Variants in KCNQ1 observed in about 807,000 individuals in gnomAD.
KCNQ1 encodes potassium voltage-gated channel subfamily KQT member 1.
Under a neutral mutation model 72.4 loss-of-function variants are expected in KCNQ1, and 49 were observed. The observed-to-expected ratio is 0.68, with a 90% CI of 0.54 to 0.86. The LOEUF is 0.86. Ranked by LOEUF, KCNQ1 falls within the 40% of genes least tolerant of loss-of-function variation. The probability of loss-of-function intolerance (pLI) is 0.00; values close to 1 mark genes in which losing one functional copy is unlikely to be tolerated. For missense variants in KCNQ1, 790 were observed against 945.1 expected, an observed-to-expected ratio of 0.84 and a Z score of 2.15; for synonymous variants, 450 against 412.6, an observed-to-expected ratio of 1.09 and a Z score of -1.10.
At chr11:2,625,102 GT>G in intron 10 of KCNQ1, 1 of 398,640 alleles carries the variant, frequency 2.5e-6, no homozygotes, top group Non-Finnish European at 4.4e-6. Flanking sequence ...ATACACAGAG[GT>G]GGAGTTGATG....
intron 10 of KCNQ1, chr11:2,615,645 A>AT (rs1483992925): frequency 8.3e-5 from 33 of 397,850 alleles, no homozygotes; most frequent in Non-Finnish European, 1.3e-4. Context: ...GATTGCATGG[A>AT]TTTTTTATCC....
At chr11:2,517,362 C>T (rs736610) in intron 1 of KCNQ1, among the ~76,000 whole-genome samples, 25,899 of 152,094 alleles carry the variant, frequency 0.17, 2,498 homozygotes, top group East Asian at 0.41. Flanking sequence ...CCCTGGAGGG[C>T]TCTGGTGGGA....
intron 11 of KCNQ1, chr11:2,684,105 T>A: frequency 2.5e-6 from 1 of 398,570 alleles, no homozygotes. Context: ...CAGAACCCTT[T>A]CACATAGATT....
intron 1 of KCNQ1, among the ~76,000 whole-genome samples, chr11:2,527,539 A>G (rs962454371): frequency 2.6e-5 from 4 of 152,192 alleles, no homozygotes; most frequent in Non-Finnish European, 5.9e-5. Context: ...AATTACCCCA[A>G]AAGAAAACCC....
chr11:2,691,298 A>C lies in KCNQ1; in HGVS notation c.1514+29217A>C, dbSNP rs1405139509. The C allele has an allele frequency of 5.0e-6, 2 of 398,446 alleles. No homozygotes were observed. The highest frequency in any genetic ancestry group is 8.8e-6 in the Non-Finnish European group (2 of 226,086). The allele number at this position is 398,446 out of a possible 1,614,324, so 24.7% of individuals were successfully genotyped here. A position where few individuals can be genotyped will look rare whatever the true frequency, so the allele number is the denominator to read the frequency against. On this transcript the variant is annotated intron_variant, in intron 11 of 15. Coordinates refer to ENST00000155840, the MANE Select transcript of KCNQ1 (RefSeq NM_000218.3). This position sits in a 1 kb window ranked among gnomAD's most constrained non-coding sequence, Gnocchi z 6.4. ...ATCAGGAAGGAGAGCTGACAAGAAA[A>C]AGGCGATGTCTCACCCCTGAGCTAC... is the stretch of plus-strand genomic sequence containing the variant.
At chr11:2,656,290 TG>T (rs754096154) in intron 10 of KCNQ1, 3 of 398,554 alleles carry the variant, frequency 7.5e-6, no homozygotes, top group African/African-American at 2.1e-5. Context: ...ATCTCTAAAA[TG>T]GGGGCAGTAA....
At chr11:2,586,899 T>C (rs549552364) in intron 8 of KCNQ1, among the ~76,000 whole-genome samples, 3 of 152,192 alleles carry the variant, frequency 2.0e-5, no homozygotes, top group East Asian at 3.9e-4. Context: ...CTCCTGCCCA[T>C]CTGGACGCTG....
intron 10 of KCNQ1, among the ~76,000 whole-genome samples, chr11:2,589,645 C>T (rs1848645602): frequency 6.6e-6 from 1 of 152,208 alleles, no homozygotes; most frequent in Admixed American, 6.5e-5. Flanking sequence ...CCATGTGCTT[C>T]AGCCACACGG....
In KCNQ1 at chr11:2,497,458, G is replaced by A. The variant is rs549928673; in HGVS notation, c.387-30470G>A. ...ATCCTTTCTTCCACTTGATTCATTT[G>A]GCTATTGATACTTGTGTATGCATCA... On this transcript the variant is annotated intron_variant, in intron 1 of 15. Coordinates refer to ENST00000155840, the MANE Select transcript of KCNQ1 (RefSeq NM_000218.3). This position sits in a 1 kb window ranked among gnomAD's most constrained non-coding sequence, Gnocchi z 4.5. Among the ~76,000 whole-genome samples, 367 of 151,868 alleles carry A rather than the reference G, an allele frequency of 2.4e-3. 4 individuals are homozygous for A. Among genetic ancestry groups the A allele is most frequent in the African/African-American group, 8.5e-3 (352 of 41,398 alleles).
intron 11 of KCNQ1, among the ~76,000 whole-genome samples, chr11:2,714,112 G>A (rs547585154): frequency 2.3e-3 from 350 of 152,358 alleles, no homozygotes; most frequent in Non-Finnish European, 3.8e-3. Flanking sequence ...TCCTGTTGCT[G>A]GGGCCTGCTC....
At chr11:2,453,234 G>A (rs1413314480) in intron 1 of KCNQ1, among the ~76,000 whole-genome samples, 3 of 152,186 alleles carry the variant, frequency 2.0e-5, no homozygotes, top group South Asian at 2.1e-4. Flanking sequence ...TTAGCCGGGC[G>A]TGGTGGTGCA....
In KCNQ1 at chr11:2,566,575, T is replaced by A. The variant is rs893334315; in HGVS notation, c.478-4053T>A. On this transcript the variant is annotated intron_variant, in intron 2 of 15. Coordinates refer to ENST00000155840, the MANE Select transcript of KCNQ1 (RefSeq NM_000218.3). This position sits in a 1 kb window ranked among gnomAD's most constrained non-coding sequence, Gnocchi z 6.7. ...TGAGGCCCTTTTGTCCATGAAGCCA[T>A]CTGCAGCCAGGAGGCGGCCTTGCTT... Among the ~76,000 whole-genome samples, 1 of 152,146 alleles carries A rather than the reference T, an allele frequency of 6.6e-6. No homozygotes were observed. The highest frequency in any genetic ancestry group is 1.9e-4 in the East Asian group (1 of 5,184).
chr11:2,446,568 C>T lies in KCNQ1; in HGVS notation c.386+1084C>T, dbSNP rs1050494316. Among the ~76,000 whole-genome samples the T allele has an allele frequency of 6.6e-6, 1 of 152,314 alleles. No homozygotes were observed. The highest frequency in any genetic ancestry group is 3.4e-3 in the Middle Eastern group (1 of 294). ...GCCACCAGGGCCTCAGGGCGGGTGA[C>T]AGCAGGAGCCAGGCCCCAAATGGCT... On this transcript the variant is annotated intron_variant, in intron 1 of 15. Transcript: ENST00000155840. The surrounding 1 kb of genome is among the most constrained non-coding windows in gnomAD (Gnocchi z 8.8).
At chr11:2,587,053 G>A (rs998689045) in intron 8 of KCNQ1, among the ~76,000 whole-genome samples, 6 of 152,158 alleles carry the variant, frequency 3.9e-5, no homozygotes, top group African/African-American at 7.2e-5. Context: ...ACTGCAAGGT[G>A]GTATAGGCCT....
Position 2,620,196 on chromosome 11 carries a change from C to CATTTATAT in KCNQ1, c.1393+31344_1393+31345insTTATATAT. 6.0e-6 allele frequency: 2 copies of CATTTATAT among 335,438 alleles called. No individual in the cohort carries two copies. Among genetic ancestry groups the CATTTATAT allele is most frequent in the Non-Finnish European group, 1.0e-5 (2 of 198,338 alleles). The allele number at this position is 335,438 out of a possible 1,614,324, so 20.8% of individuals were successfully genotyped here. On this transcript the variant is annotated intron_variant, in intron 10 of 15. Transcript: ENST00000155840. This position sits in a 1 kb window ranked among gnomAD's most constrained non-coding sequence, Gnocchi z 4.5. ...TTGCTGCAAAGGACGTAAGTTCATT[C>CATTTATAT]ATGTATATATATATATTTTTTTTTT...
At position 2,663,377 on chromosome 11, in the gene KCNQ1, C is replaced by T. The variant is rs1850004907; in HGVS notation, c.1514+1296C>T. 2.5e-6 allele frequency: 1 copy of T among 398,592 alleles called. No homozygotes were observed. The highest frequency in any genetic ancestry group is 4.4e-6 in the Non-Finnish European group (1 of 226,162). 24.7% of individuals were successfully genotyped at this position (398,592 alleles called of 1,614,324 possible). On this transcript the variant is annotated intron_variant, in intron 11 of 15. Coordinates refer to ENST00000155840, the MANE Select transcript of KCNQ1 (RefSeq NM_000218.3). The surrounding 1 kb of genome is among the most constrained non-coding windows in gnomAD (Gnocchi z 5.2). Reference sequence around the variant, plus strand: ...GATGGGCTGCCCAGGTACAGGTCAGCACCAGAAGGCAGAATGATGGCTTAC... The same window carrying T: ...GATGGGCTGCCCAGGTACAGGTCAGTACCAGAAGGCAGAATGATGGCTTAC...
intron 12 of KCNQ1, among the ~76,000 whole-genome samples, chr11:2,775,671 G>A (rs1489575182): frequency 6.6e-6 from 1 of 152,328 alleles, no homozygotes; most frequent in African/African-American, 2.4e-5. Flanking sequence ...CTGGGGTGGT[G>A]GGGGGTGGAA....
chr11:2,476,984 C>T (rs191211354), intron 1 of KCNQ1, among the ~76,000 whole-genome samples: 4 of 152,338 alleles, frequency 2.6e-5, no homozygotes. Flanking sequence ...CCACTGCACC[C>T]AGCCCAGTTT....
chr11:2,699,993 C>T (rs1367570560), intron 11 of KCNQ1: 2 of 398,202 alleles, frequency 5.0e-6, no homozygotes, highest in African/African-American at 4.1e-5. Flanking sequence ...GGCGACCGTT[C>T]TGCCTGGAGA....
Sources: allele counts gnomAD v4.1 joint callset (sites outside exome capture counted in the v4.1 genomes callset), GRCh38; gene constraint gnomAD v4.1.1; non-coding constraint Gnocchi (gnomAD v3.1); transcripts MANE v1.5; gene names NCBI Gene and HGNC (gene_info 2026-07-23, HGNC 2026-07-21).